ATXN2L: variants seen among roughly 807,000 people sequenced by gnomAD.
ATXN2L encodes ataxin 2 like.
Under a neutral mutation model 120.7 loss-of-function variants are expected in ATXN2L, and 24 were observed. The ratio of observed to expected loss-of-function variants is 0.20; its 90% CI spans 0.14 to 0.28. The LOEUF is 0.28. Among genes scored for constraint, ATXN2L ranks in the 10% least tolerant of loss-of-function variants. The pLI, the probability that ATXN2L is intolerant of heterozygous loss-of-function variation, is 1.00. For missense variants in ATXN2L, 1,312 were observed against 1,432.3 expected (o/e 0.92, Z 1.36); for synonymous variants, 653 against 568.1 (o/e 1.15, Z -2.13).
chr16:28,824,226 G>A (rs1310854977), intron 1 of ATXN2L: 2 of 1,096,962 alleles, frequency 1.8e-6, no homozygotes, highest in African/African-American at 1.7e-5. Context: ...GGACTAGTTC[G>A]TGGAGGGGCT....
At chr16:28,827,239 G>A (rs967130925) in intron 6 of ATXN2L, among the ~76,000 whole-genome samples, 3 of 152,300 alleles carry the variant, frequency 2.0e-5, no homozygotes, top group African/African-American at 7.2e-5. Flanking sequence ...TTCGAGACCA[G>A]TCTGGGCAAC....
At position 28,829,479 on chromosome 16, in the gene ATXN2L, C is replaced by T; in HGVS notation, c.820C>T (p.Leu274Phe). The change falls in exon 7 of 22, where the codon CTT (leucine) becomes TTT (phenylalanine). Residue 274 changes from leucine to phenylalanine, a missense_variant. Leu to Phe is a conservative substitution (Grantham distance 22). Coordinates refer to ENST00000336783, the MANE Select transcript of ATXN2L (RefSeq NM_007245.4). ...YGVKTTYDSSLSSYTVPLEKD... is the reference protein window; with the variant it reads ...YGVKTTYDSSFSSYTVPLEKD... The stretch of plus-strand genomic sequence containing the variant: ...TGTGAAGACTACCTATGATAGCAGT[C>T]TTTCTTCTTATACGTGAGTATCTTG... The T allele has an allele frequency of 6.2e-7, 1 of 1,606,390 alleles. No individual in the cohort carries two copies. Among genetic ancestry groups the T allele is most frequent in the Non-Finnish European group, 8.5e-7 (1 of 1,173,016 alleles).
intron 5 of ATXN2L, chr16:28,826,594 G>A (rs1282491109): frequency 2.0e-5 from 12 of 594,576 alleles, no homozygotes; most frequent in South Asian, 5.5e-5. Flanking sequence ...TATATAATGC[G>A]ATGAATTCCT....
At chr16:28,825,337 C>T (rs2051462908) in intron 1 of ATXN2L, 29 bp from the exon 2 acceptor site, 2 of 1,611,998 alleles carry the variant, frequency 1.2e-6, no homozygotes, top group Non-Finnish European at 8.5e-7. Context: ...CTTGAACAGA[C>T]TTAAGTAATT....
intron 15 of ATXN2L, 189 bp from the exon 16 acceptor site, chr16:28,833,876 C>G (rs1483818260): frequency 2.7e-6 from 2 of 748,548 alleles, no homozygotes; most frequent in African/African-American, 3.6e-5. Context: ...ACGTCACTTA[C>G]ATTCTCTGCC....
At chr16:28,835,799 G>T (rs527745901) in intron 21 of ATXN2L, 41 bp downstream of exon 21, 1 of 1,611,868 alleles carries the variant, frequency 6.2e-7, no homozygotes, top group East Asian at 2.2e-5. Flanking sequence ...TGTTTGCCAG[G>T]GCCCGTCTGC....
chr16:28,836,253 G>T lies in ATXN2L; in HGVS notation c.3216G>T (p.Leu1072=). 6.2e-7 allele frequency: 1 copy of T among 1,612,508 alleles called. No individual in the cohort carries two copies. Among genetic ancestry groups the T allele is most frequent in the Non-Finnish European group, 8.5e-7 (1 of 1,178,956 alleles). Residue 1072 remains leucine, a synonymous_variant, in exon 22 of 22, where the codon CTG becomes CTT. Transcript: ENST00000336783. ...AGGTGGGGCAGGATGCACGGGTTCT[G>T]GGTGGGGAGTGAGGGGTCTTGGAGG... is the stretch of plus-strand genomic sequence containing the variant. The part of the protein sequence containing the change: ...GLQVGQDARV[L]GGE
At chr16:28,834,436 C>T (rs754855779) in intron 17 of ATXN2L, 21 bp downstream of exon 17, 1 of 1,613,778 alleles carries the variant, frequency 6.2e-7, no homozygotes, top group South Asian at 1.1e-5. Context: ...CTGGGAGGGG[C>T]AGGCGGCGAG....
intron 6 of ATXN2L, among the ~76,000 whole-genome samples, chr16:28,827,888 G>A (rs1323733615): frequency 6.6e-6 from 1 of 152,230 alleles, no homozygotes; most frequent in Non-Finnish European, 1.5e-5. Context: ...GCTCCAGCCT[G>A]GGCATCATAG....
chr16:28,827,426 A>G (rs1340221217), intron 6 of ATXN2L, among the ~76,000 whole-genome samples: 1 of 152,040 alleles, frequency 6.6e-6, no homozygotes, highest in Non-Finnish European at 1.5e-5. Context: ...ACCGTGTCAC[A>G]CGCAACAAAA....
Position 28,836,761 on chromosome 16 carries a change from A to AC in ATXN2L, c.*502dup, listed in dbSNP as rs767768814. The AC allele has an allele frequency of 8.1e-6, 13 of 1,611,660 alleles. No individual in the cohort carries two copies. Among genetic ancestry groups the AC allele is most frequent in the Non-Finnish European group, 1.1e-5 (13 of 1,179,222 alleles). ...CATCCCTCCCAGCAGCTCCCCTTCC[A>AC]CCCCCCGGGGAACTGAAGATTGTCC... is the stretch of plus-strand genomic sequence containing the variant. On this transcript the variant is annotated 3_prime_UTR_variant, in exon 22 of 22. Transcript: ENST00000336783.
At chr16:28,828,500 C>T (rs186183453) in intron 6 of ATXN2L, among the ~76,000 whole-genome samples, 1 of 151,764 alleles carries the variant, frequency 6.6e-6, no homozygotes, top group East Asian at 2.0e-4. Flanking sequence ...GCAGGAGAAT[C>T]GCTTGAACCC....
chr16:28,832,119 A>C (rs2054711366), intron 10 of ATXN2L, 86 bp from the exon 11 acceptor site: 1 of 1,445,354 alleles, frequency 6.9e-7, no homozygotes, highest in Non-Finnish European at 9.5e-7. Context: ...ATAGTGTGTA[A>C]ACTTTCTTGC....
Position 28,824,730 on chromosome 16 carries a change from C to T in ATXN2L, c.300-636C>T, listed in dbSNP as rs571885356. On this transcript the variant is annotated intron_variant, in intron 1 of 21. Transcript: ENST00000336783. The stretch of plus-strand genomic sequence containing the variant: ...GCTTTTGCCCTCACAGCTGGCGTGG[C>T]TTTTTGGTTAATACTGTAGCATTGA... 1.0e-4 allele frequency: 49 copies of T among 469,336 alleles called. No individual in the cohort carries two copies. The Admixed American group carries it at 2.2e-3, about 21-fold the overall frequency. 29.1% of individuals were successfully genotyped at this position (469,336 alleles called of 1,614,324 possible). A position where few individuals can be genotyped will look rare whatever the true frequency, so the allele number is the denominator to read the frequency against.
rs770857185 is a variant in ATXN2L, at chr16:28,823,234, T to C, written c.-26T>C. On this transcript the variant is annotated 5_prime_UTR_variant, in exon 1 of 22. Transcript: ENST00000336783. ...GCCCCCTCTCTCCCTCCCTTCTCTC[T>C]AATTCCCCTTCCGGACGCTGCCATC... 5 of 1,398,610 alleles carry C rather than the reference T, an allele frequency of 3.6e-6. No individual in the cohort carries two copies. In the Admixed American group the frequency reaches 1.1e-4, roughly 30 times the overall value. The allele number at this position is 1,398,610 out of a possible 1,614,324, so 86.6% of individuals were successfully genotyped here. A position where few individuals can be genotyped will look rare whatever the true frequency, so the allele number is the denominator to read the frequency against.
chr16:28,823,205 C>T lies in ATXN2L; in HGVS notation c.-55C>T, dbSNP rs540625397. The T allele has an allele frequency of 2.4e-6, 3 of 1,227,438 alleles. No homozygotes were observed. In the South Asian group the frequency reaches 6.9e-5, roughly 28 times the overall value. 76.0% of individuals were successfully genotyped at this position (1,227,438 alleles called of 1,614,324 possible). On this transcript the variant is annotated 5_prime_UTR_variant, in exon 1 of 22. Transcript: ENST00000336783. ...CCGCGCTCTCCAGCGGGGCCCCAGC[C>T]CCGGCCCCCTCTCTCCCTCCCTTCT... is the stretch of plus-strand genomic sequence containing the variant.
intron 6 of ATXN2L, among the ~76,000 whole-genome samples, chr16:28,828,552 A>G (rs1294610317): frequency 6.6e-6 from 1 of 150,752 alleles, no homozygotes; most frequent in Non-Finnish European, 1.5e-5. Flanking sequence ...GCACCATTGC[A>G]CTCCAGCCTG....
At chr16:28,825,881 G>A (rs2051745469) in intron 4 of ATXN2L, 40 bp downstream of exon 4, 1 of 1,556,818 alleles carries the variant, frequency 6.4e-7, no homozygotes, top group African/African-American at 1.4e-5. Context: ...GAGTTGCAGA[G>A]TAGGAGGAGA....
At chr16:28,832,063 T>C in intron 10 of ATXN2L, 142 bp from the exon 11 acceptor site, 1 of 834,622 alleles carries the variant, frequency 1.2e-6, no homozygotes, top group Middle Eastern at 3.6e-4. Context: ...CTGCTTGTGT[T>C]ACCTGCCTTG....
Sources: gnomAD v4.1 joint callset for allele counts (sites outside exome capture counted in the v4.1 genomes callset) on GRCh38, gnomAD v4.1.1 for gene constraint, MANE v1.5 for transcripts, NCBI Gene and HGNC (gene_info 2026-07-23, HGNC 2026-07-21) for gene names.